CACNA2D3: variants seen among roughly 807,000 people sequenced by gnomAD.
CACNA2D3 encodes calcium voltage-gated channel auxiliary subunit alpha2delta 3.
CACNA2D3 carries 60 observed loss-of-function variants against 160.6 expected under a neutral mutation model. The ratio of observed to expected loss-of-function variants is 0.37; its 90% CI spans 0.30 to 0.46. The LOEUF (loss-of-function observed/expected upper bound fraction) is 0.46. Among genes scored for constraint, CACNA2D3 ranks in the 20% least tolerant of loss-of-function variants. CACNA2D3 has a pLI of 1.00. For synonymous variants in CACNA2D3, 558 were observed against 492.9 expected (o/e 1.13, Z -1.75); for missense variants, 1,205 against 1,365.0 (o/e 0.88, Z 1.85).
At chr3:54,545,023 C>T (rs1036304497) in intron 5 of CACNA2D3, among the ~76,000 whole-genome samples, 1 of 152,086 alleles carries the variant, frequency 6.6e-6, no homozygotes, top group Non-Finnish European at 1.5e-5. Context: ...TAAAATTAGT[C>T]ATCAAATGCG....
intron 3 of CACNA2D3, among the ~76,000 whole-genome samples, chr3:54,366,952 A>G (rs1348943581): frequency 1.3e-5 from 2 of 152,254 alleles, no homozygotes; most frequent in African/African-American, 4.8e-5. Context: ...AATTCAAAGC[A>G]GAGAGCAAAG....
At chr3:54,771,863 C>T (rs1251477257) in intron 13 of CACNA2D3, among the ~76,000 whole-genome samples, 1 of 152,072 alleles carries the variant, frequency 6.6e-6, no homozygotes, top group African/African-American at 2.4e-5. Context: ...TTGCCTACCC[C>T]AGTGGTCTCT....
intron 35 of CACNA2D3, among the ~76,000 whole-genome samples, chr3:55,031,077 G>A (rs1265602541): frequency 6.6e-6 from 1 of 152,164 alleles, no homozygotes; most frequent in Non-Finnish European, 1.5e-5. Flanking sequence ...TTCCATGCCG[G>A]AGGGTAGGAG....
chr3:54,670,521 C>A (rs999976841), intron 11 of CACNA2D3, among the ~76,000 whole-genome samples: 4 of 152,138 alleles, frequency 2.6e-5, no homozygotes, highest in African/African-American at 9.7e-5. Context: ...AGAGAACTCA[C>A]AGTGGGAAGT....
chr3:54,636,831 A>G (rs1393018482), intron 10 of CACNA2D3, among the ~76,000 whole-genome samples: 1 of 152,028 alleles, frequency 6.6e-6, no homozygotes, highest in Non-Finnish European at 1.5e-5. Context: ...GCTTGACTGA[A>G]GTAATGGGGG....
chr3:54,473,249 C>G (rs995725798), intron 4 of CACNA2D3, among the ~76,000 whole-genome samples: 2 of 152,154 alleles, frequency 1.3e-5, no homozygotes, highest in African/African-American at 2.4e-5. Flanking sequence ...ACCATCTGAT[C>G]TTTGACAAAC....
At chr3:54,484,163 C>T (rs1700977466) in intron 4 of CACNA2D3, among the ~76,000 whole-genome samples, 1 of 152,194 alleles carries the variant, frequency 6.6e-6, no homozygotes, top group African/African-American at 2.4e-5. Context: ...CTTAATGTAA[C>T]TTTAAATAAC....
intron 2 of CACNA2D3, among the ~76,000 whole-genome samples, chr3:54,130,073 T>TA (rs1699678099): frequency 6.6e-6 from 1 of 152,232 alleles, no homozygotes; most frequent in Non-Finnish European, 1.5e-5. Flanking sequence ...ACTGGCTATG[T>TA]AATTTGTGGT....
chr3:54,740,441 C>G (rs987108081), intron 11 of CACNA2D3, among the ~76,000 whole-genome samples: 1 of 152,116 alleles, frequency 6.6e-6, no homozygotes, highest in Non-Finnish European at 1.5e-5. Flanking sequence ...GTAGGGTCTT[C>G]AGCCAGGGGC....
At chr3:54,467,823 A>G (rs1700656287) in intron 4 of CACNA2D3, among the ~76,000 whole-genome samples, 1 of 152,194 alleles carries the variant, frequency 6.6e-6, no homozygotes, top group Admixed American at 6.5e-5. Context: ...TAGGATGATT[A>G]GAATTAAGAA....
At chr3:54,480,999 G>A (rs1700924143) in intron 4 of CACNA2D3, among the ~76,000 whole-genome samples, 3 of 152,082 alleles carry the variant, frequency 2.0e-5, no homozygotes, top group African/African-American at 7.2e-5. Flanking sequence ...CTGGGTCCTG[G>A]GACACTCTCT....
At chr3:54,625,387 G>A (rs1047175374) in intron 9 of CACNA2D3, among the ~76,000 whole-genome samples, 2 of 152,230 alleles carry the variant, frequency 1.3e-5, no homozygotes, top group African/African-American at 4.8e-5. Context: ...TGAAACCTGG[G>A]CCAGGCAACT....
At chr3:54,144,573 A>G (rs1462153784) in intron 2 of CACNA2D3, among the ~76,000 whole-genome samples, 1 of 152,258 alleles carries the variant, frequency 6.6e-6, no homozygotes, top group African/African-American at 2.4e-5. Flanking sequence ...TGGTTGGACC[A>G]AATGGCCTTT....
chr3:54,711,893 T>C (rs1700960199), intron 11 of CACNA2D3, among the ~76,000 whole-genome samples: 1 of 152,214 alleles, frequency 6.6e-6, no homozygotes. Flanking sequence ...ATAAAGGTTG[T>C]CTTCCTCCCC....
chr3:54,263,698 T>C (rs1702445863), intron 2 of CACNA2D3, among the ~76,000 whole-genome samples: 1 of 152,168 alleles, frequency 6.6e-6, no homozygotes, highest in Non-Finnish European at 1.5e-5. Flanking sequence ...AAACACATGT[T>C]GTGCACCTTT....
Position 54,283,746 on chromosome 3 carries a change from C to T in CACNA2D3, c.205-36696C>T, listed in dbSNP as rs1479844095. The stretch of plus-strand genomic sequence containing the variant: ...AGTGTTGTTCTTGACCTTCTGACAC[C>T]AGAGGTGTTTCTCTGTGTAGATAGA... On this transcript the variant is annotated intron_variant, in intron 2 of 37. Transcript: ENST00000474759. Among the ~76,000 whole-genome samples the T allele has an allele frequency of 5.3e-5, 8 of 152,148 alleles. No individual in the cohort carries two copies. In the South Asian group the frequency reaches 6.2e-4, roughly 12 times the overall value.
At chr3:54,833,439 G>A (rs1294158510) in intron 14 of CACNA2D3, among the ~76,000 whole-genome samples, 1 of 152,122 alleles carries the variant, frequency 6.6e-6, no homozygotes, top group Non-Finnish European at 1.5e-5. Context: ...TTTCTTGGAA[G>A]CCACATGTAT....
Position 55,029,263 on chromosome 3 carries a change from G to A in CACNA2D3, c.2987+10946G>A, listed in dbSNP as rs114105549. Among the ~76,000 whole-genome samples, 415 of 152,288 alleles carry A rather than the reference G, an allele frequency of 2.7e-3. 1 individual carries two copies. The highest frequency in any genetic ancestry group is 9.8e-3 in the African/African-American group (409 of 41,560). ...ATGGTCTGGGCTACCACACTTACTA[G>A]TGCAAAGATCTTAACACATTATTTA... On this transcript the variant is annotated intron_variant, in intron 35 of 37. Transcript: ENST00000474759.
At chr3:54,831,416 A>G (rs577248604) in intron 14 of CACNA2D3, among the ~76,000 whole-genome samples, 2 of 152,322 alleles carry the variant, frequency 1.3e-5, no homozygotes, top group Non-Finnish European at 1.5e-5. Context: ...CTTCCTCTGA[A>G]TAGAGTTATG....
Sources: allele counts gnomAD v4.1 joint callset (sites outside exome capture counted in the v4.1 genomes callset), GRCh38; gene constraint gnomAD v4.1.1; transcripts MANE v1.5; gene names NCBI Gene and HGNC (gene_info 2026-07-23, HGNC 2026-07-21).